RBFOX1: variants seen among roughly 807,000 people sequenced by gnomAD.
The protein encoded by RBFOX1 is RNA binding protein fox-1 homolog 1.
In RBFOX1, 8 loss-of-function variants were observed where a neutral mutation model predicts 57.7. The ratio of observed to expected loss-of-function variants is 0.14; its 90% confidence interval spans 0.08 to 0.25. RBFOX1 has a LOEUF of 0.25. Among genes scored for constraint, RBFOX1 ranks in the 10% least tolerant of loss-of-function variants. The pLI, the probability that RBFOX1 is intolerant of heterozygous loss-of-function variation, is 1.00. For missense variants in RBFOX1, 611 were observed against 548.5 expected, an observed-to-expected ratio of 1.11 and a Z score of -1.14; for synonymous variants, 326 against 222.4, an observed-to-expected ratio of 1.47 and a Z score of -4.15.
intron 2 of RBFOX1, among the ~76,000 whole-genome samples, chr16:5,512,018 CAAAGG>C (rs2043609742): frequency 6.6e-6 from 1 of 152,190 alleles, no homozygotes; most frequent in Non-Finnish European, 1.5e-5. Context: ...TCTCTGATTT[CAAAGG>C]ACCCCAAACC....
chr16:5,916,082 G>T (rs896855843), intron 4 of RBFOX1, among the ~76,000 whole-genome samples: 1 of 152,094 alleles, frequency 6.6e-6, no homozygotes, highest in Non-Finnish European at 1.5e-5. Context: ...TACAGACTGT[G>T]TTAAGGACTT....
At chr16:6,438,857 A>G (rs569834651) in intron 2 of RBFOX1, among the ~76,000 whole-genome samples, 1 of 152,290 alleles carries the variant, frequency 6.6e-6, no homozygotes, top group East Asian at 1.9e-4. Context: ...AGTATTCTTA[A>G]CATTGTGCAT....
intron 3 of RBFOX1, among the ~76,000 whole-genome samples, chr16:5,816,122 A>G (rs983682722): frequency 3.3e-5 from 5 of 152,174 alleles, no homozygotes; most frequent in Admixed American, 1.3e-4. Context: ...ATTAGTTCCA[A>G]TTTGCAAACA....
At chr16:7,570,207 G>A (rs2092632426) in intron 5 of RBFOX1, among the ~76,000 whole-genome samples, 1 of 147,018 alleles carries the variant, frequency 6.8e-6, no homozygotes, top group Non-Finnish European at 1.5e-5. Context: ...ATTCTAAAAT[G>A]ACGTATATCA....
chr16:7,678,796 T>C (rs1051319161), intron 14 of RBFOX1, among the ~76,000 whole-genome samples: 4 of 152,224 alleles, frequency 2.6e-5, no homozygotes, highest in African/African-American at 4.8e-5. Context: ...ACCATACATG[T>C]AAAATCTGTT....
intron 1 of RBFOX1, among the ~76,000 whole-genome samples, chr16:5,301,637 A>AC (rs1555484676): frequency 1.8e-4 from 27 of 150,736 alleles, no homozygotes; most frequent in African/African-American, 5.8e-4. Context: ...AAAAAAAAAA[A>AC]ACACACAAAA....
At chr16:7,123,057 G>A (rs1191242565) in intron 4 of RBFOX1, among the ~76,000 whole-genome samples, 2 of 152,014 alleles carry the variant, frequency 1.3e-5, no homozygotes, top group Non-Finnish European at 2.9e-5. Context: ...TGGGGGGAGG[G>A]TAGTTGCAAA....
intron 3 of RBFOX1, among the ~76,000 whole-genome samples, chr16:6,812,633 T>A (rs1293914715): frequency 6.6e-6 from 1 of 152,178 alleles, no homozygotes. Flanking sequence ...CGCCTCAGCC[T>A]ACCACAGTGC....
chr16:6,261,684 G>A (rs1478934195), intron 1 of RBFOX1, among the ~76,000 whole-genome samples: 1 of 152,070 alleles, frequency 6.6e-6, no homozygotes, highest in East Asian at 1.9e-4. Context: ...GAAAACAGTG[G>A]CTTTTAAAAG....
chr16:6,349,202 A>G (rs898890503), intron 2 of RBFOX1, among the ~76,000 whole-genome samples: 1 of 152,164 alleles, frequency 6.6e-6, no homozygotes, highest in Non-Finnish European at 1.5e-5. Context: ...CAGCCAGAAA[A>G]AAAGCAGAAA....
intron 4 of RBFOX1, among the ~76,000 whole-genome samples, chr16:7,086,428 C>T (rs1049474148): frequency 6.6e-6 from 1 of 152,098 alleles, no homozygotes; most frequent in Admixed American, 6.5e-5. Context: ...TAATTGAACA[C>T]TGCATCAATT....
chr16:5,452,402 C>G (rs2068455073), intron 1 of RBFOX1, among the ~76,000 whole-genome samples: 1 of 152,052 alleles, frequency 6.6e-6, no homozygotes, highest in African/African-American at 2.4e-5. Context: ...AGTTACTACA[C>G]CCGGGCTGAT....
chr16:5,601,915 G>C (rs926965940), downstream of RBFOX1, among the ~76,000 whole-genome samples: 1 of 152,164 alleles, frequency 6.6e-6, no homozygotes, highest in African/African-American at 2.4e-5. Context: ...GTATTTCCTG[G>C]CCCCCAACCT....
chr16:5,431,942 C>T (rs1205136387), intron 1 of RBFOX1, among the ~76,000 whole-genome samples: 1 of 152,052 alleles, frequency 6.6e-6, no homozygotes, highest in Admixed American at 6.6e-5. Flanking sequence ...TGACGGACAA[C>T]GGAGACTTTT....
In RBFOX1 at chr16:6,637,211, T is replaced by TTA. The variant is rs1440060071; in HGVS notation, c.-63-17392_-63-17391insTA. Among the ~76,000 whole-genome samples, 5 of 59,150 alleles carry TTA rather than the reference T, an allele frequency of 8.5e-5. 1 individual carries two copies. Among genetic ancestry groups the TTA allele is most frequent in the Admixed American group, 6.1e-4 (2 of 3,264 alleles). The allele number at this position is 59,150 out of a possible 152,430, so 38.8% of individuals were successfully genotyped here. A position where few individuals can be genotyped will look rare whatever the true frequency, so the allele number is the denominator to read the frequency against. ...TACAATATATATTATATATTATATA[T>TTA]ATTATATAATATACAATATATATTA... On this transcript the variant is annotated intron_variant, in intron 2 of 15. Transcript: ENST00000550418.
At chr16:6,308,063 A>G (rs1725698223) in intron 1 of RBFOX1, among the ~76,000 whole-genome samples, 1 of 150,988 alleles carries the variant, frequency 6.6e-6, no homozygotes, top group South Asian at 2.1e-4. Context: ...TGTTATTTAC[A>G]TATTTTATAA....
At chr16:7,521,415 G>C (rs1466250070) in intron 5 of RBFOX1, among the ~76,000 whole-genome samples, 1 of 152,150 alleles carries the variant, frequency 6.6e-6, no homozygotes, top group African/African-American at 2.4e-5. Context: ...TATGAAATGA[G>C]ACATAAAAAG....
chr16:6,717,660 A>G (rs1025909302), intron 3 of RBFOX1, among the ~76,000 whole-genome samples: 1 of 151,952 alleles, frequency 6.6e-6, no homozygotes, highest in African/African-American at 2.4e-5. Flanking sequence ...CAGCTCAGCA[A>G]GTGTCTTCAG....
intron 1 of RBFOX1, among the ~76,000 whole-genome samples, chr16:6,265,549 A>G (rs1469829663): frequency 6.6e-6 from 1 of 152,214 alleles, no homozygotes; most frequent in African/African-American, 2.4e-5. Context: ...GGTATGAGCC[A>G]CTGTGCCCGG....
Sources: allele counts gnomAD v4.1 joint callset (sites outside exome capture counted in the v4.1 genomes callset), GRCh38; gene constraint gnomAD v4.1.1; transcripts MANE v1.5; gene names NCBI Gene and HGNC (gene_info 2026-07-23, HGNC 2026-07-21).